Variants in PDE4D observed in about 807,000 individuals in gnomAD.
PDE4D encodes phosphodiesterase 4D.
Under a neutral mutation model 87.4 loss-of-function variants are expected in PDE4D, and 24 were observed. The ratio of observed to expected loss-of-function variants is 0.27; its 90% CI spans 0.20 to 0.39. The LOEUF (loss-of-function observed/expected upper bound fraction) is 0.39, where lower values mean the gene tolerates loss of function less well. Among genes scored for constraint, PDE4D ranks in the 10% least tolerant of loss-of-function variants. The probability of loss-of-function intolerance (pLI) is 1.00; values close to 1 mark genes in which losing one functional copy is unlikely to be tolerated. For synonymous variants in PDE4D, 384 were observed against 383.2 expected, an observed-to-expected ratio of 1.00 and a Z score of -0.02; for missense variants, 714 against 1,041.0, an observed-to-expected ratio of 0.69 and a Z score of 4.32.
At chr5:60,079,702 T>C (rs1773719062) in intron 2 of PDE4D, among the ~76,000 whole-genome samples, 1 of 152,136 alleles carries the variant, frequency 6.6e-6, no homozygotes, top group Admixed American at 6.5e-5. Flanking sequence ...GTAGTGTTAT[T>C]TCTGAGATCT....
At chr5:59,894,798 T>C (rs529920536), upstream of PDE4D, among the ~76,000 whole-genome samples, 1 of 152,332 alleles carries the variant, frequency 6.6e-6, no homozygotes, top group East Asian at 1.9e-4. Context: ...AGAATCCAAA[T>C]TCAACTTTTG....
intron 1 of PDE4D, among the ~76,000 whole-genome samples, chr5:60,463,601 C>T (rs1003007894): frequency 1.3e-5 from 2 of 152,136 alleles, no homozygotes; most frequent in African/African-American, 4.8e-5. Flanking sequence ...ACTATAAAAG[C>T]AAAACATTCT....
At chr5:59,144,806 G>A (rs2153456958) in intron 5 of PDE4D, among the ~76,000 whole-genome samples, 1 of 139,212 alleles carries the variant, frequency 7.2e-6, no homozygotes, top group East Asian at 2.4e-4. Context: ...GCCTAGTTAA[G>A]TTGCTTGACC....
chr5:60,396,441 A>G, intron 1 of PDE4D, among the ~76,000 whole-genome samples: 1 of 152,162 alleles, frequency 6.6e-6, no homozygotes, highest in East Asian at 1.9e-4. Flanking sequence ...GGAAAGTCAA[A>G]CCAGGGATTA....
At chr5:59,769,183 A>G (rs1392593634) in intron 1 of PDE4D, among the ~76,000 whole-genome samples, 1 of 152,182 alleles carries the variant, frequency 6.6e-6, no homozygotes, top group East Asian at 1.9e-4. Flanking sequence ...AAATCCCATG[A>G]GAATGAAATT....
intron 1 of PDE4D, among the ~76,000 whole-genome samples, chr5:60,230,444 C>T (rs1479819113): frequency 6.6e-6 from 1 of 152,068 alleles, no homozygotes; most frequent in South Asian, 2.1e-4. Context: ...TTGGATTTTT[C>T]ATTCCTTGCA....
chr5:59,651,038 G>A (rs965800305), intron 1 of PDE4D, among the ~76,000 whole-genome samples: 5 of 151,850 alleles, frequency 3.3e-5, no homozygotes, highest in African/African-American at 1.2e-4. Flanking sequence ...GGCGGATCAC[G>A]AGGTCAGGAG....
intron 1 of PDE4D, among the ~76,000 whole-genome samples, chr5:59,640,307 GC>G (rs1420767814): frequency 6.6e-6 from 1 of 152,132 alleles, no homozygotes; most frequent in Non-Finnish European, 1.5e-5. Flanking sequence ...TGAAACTTGA[GC>G]CCTGGCTTTC....
At chr5:59,914,863 A>AGG (rs1300983164) in intron 3 of PDE4D, among the ~76,000 whole-genome samples, 50 of 69,066 alleles carry the variant, frequency 7.2e-4, no homozygotes, top group African/African-American at 1.4e-3. Flanking sequence ...ATTTACTGAT[A>AGG]GGGGTGTGTG....
chr5:60,260,426 C>G (rs999839466), intron 1 of PDE4D, among the ~76,000 whole-genome samples: 1 of 152,058 alleles, frequency 6.6e-6, no homozygotes, highest in South Asian at 2.1e-4. Flanking sequence ...TATTAACTGA[C>G]AGAACCAGCA....
At chr5:59,656,681 G>C (rs1239294660) in intron 1 of PDE4D, among the ~76,000 whole-genome samples, 7 of 152,110 alleles carry the variant, frequency 4.6e-5, no homozygotes. Flanking sequence ...CTTAAACTTT[G>C]AAACGTCAGC....
At chr5:59,322,889 C>A (rs1418589740) in intron 1 of PDE4D, among the ~76,000 whole-genome samples, 1 of 152,102 alleles carries the variant, frequency 6.6e-6, no homozygotes, top group Non-Finnish European at 1.5e-5. Flanking sequence ...ACTATTCTGA[C>A]CCATTAGTAG....
intron 1 of PDE4D, among the ~76,000 whole-genome samples, chr5:60,274,065 C>T (rs1401774515): frequency 6.6e-6 from 1 of 152,154 alleles, no homozygotes; most frequent in South Asian, 2.1e-4. Context: ...GAAGCTGATC[C>T]TCTCCTGATA....
At chr5:60,117,595 A>G (rs761326337) in intron 2 of PDE4D, among the ~76,000 whole-genome samples, 1 of 152,054 alleles carries the variant, frequency 6.6e-6, no homozygotes, top group African/African-American at 2.4e-5. Context: ...TGGCCCTGAA[A>G]TTTGATTTAT....
At chr5:59,526,766 T>C (rs1303779960) in intron 1 of PDE4D, among the ~76,000 whole-genome samples, 3 of 152,040 alleles carry the variant, frequency 2.0e-5, no homozygotes, top group Non-Finnish European at 4.4e-5. Flanking sequence ...TAGGACTACA[T>C]GTGCATGCCA....
intron 1 of PDE4D, among the ~76,000 whole-genome samples, chr5:59,439,071 T>C (rs577707835): frequency 5.0e-4 from 76 of 152,158 alleles, no homozygotes; most frequent in South Asian, 3.1e-3. Flanking sequence ...AGAATGAATA[T>C]GTTGGGGCTG....
At chr5:60,289,297 C>A (rs1752688227) in intron 1 of PDE4D, among the ~76,000 whole-genome samples, 1 of 152,086 alleles carries the variant, frequency 6.6e-6, no homozygotes, top group African/African-American at 2.4e-5. Context: ...TAACAGAATG[C>A]AAAGTCCAGT....
intron 1 of PDE4D, among the ~76,000 whole-genome samples, chr5:60,324,436 G>C (rs1324507159): frequency 1.3e-5 from 2 of 152,192 alleles, no homozygotes; most frequent in Non-Finnish European, 2.9e-5. Flanking sequence ...TCTCTTGAAA[G>C]AACAGAACTG....
chr5:59,228,511 T>C (rs1288851138), intron 1 of PDE4D, among the ~76,000 whole-genome samples: 3 of 152,068 alleles, frequency 2.0e-5, no homozygotes, highest in Non-Finnish European at 4.4e-5. Flanking sequence ...CTTTATTTAT[T>C]GTTTCTATGA....
Sources: gnomAD v4.1 joint callset for allele counts (sites outside exome capture counted in the v4.1 genomes callset) on GRCh38, gnomAD v4.1.1 for gene constraint, MANE v1.5 for transcripts, NCBI Gene and HGNC (gene_info 2026-07-23, HGNC 2026-07-21) for gene names.